PPP1R12A: variants seen among roughly 807,000 people sequenced by gnomAD.
PPP1R12A encodes myosin binding subunit.
In PPP1R12A, 19 loss-of-function variants were observed where a neutral mutation model predicts 139.6. The observed-to-expected ratio is 0.14, with a 90% CI of 0.09 to 0.20. PPP1R12A has a LOEUF of 0.20. Among genes scored for constraint, PPP1R12A ranks in the 10% least tolerant of loss-of-function variants. The pLI is 1.00. For synonymous variants in PPP1R12A, 427 were observed against 420.6 expected (o/e 1.02, Z -0.19); for missense variants, 925 against 1,211.5 (o/e 0.76, Z 3.51).
intron 2 of PPP1R12A, among the ~76,000 whole-genome samples, chr12:79,861,889 T>C (rs1881372308): frequency 6.6e-6 from 1 of 152,054 alleles, no homozygotes. Context: ...GCAGGGCATA[T>C]TGGAACAAAA....
rs1238822825 is a variant in PPP1R12A, at chr12:79,832,509, GTTC to G, written c.488-21_488-19del. On this transcript the variant is annotated intron_variant, in intron 3 of 24. Coordinates refer to ENST00000450142, the MANE Select transcript of PPP1R12A (RefSeq NM_002480.3). ...ATCAACCCCTGATAAAATAAAAATA[GTTC>G]TTTTTATTTTTGCTTAAAAATTGTT... 6 of 1,555,242 alleles carry G rather than the reference GTTC, an allele frequency of 3.9e-6. No homozygotes were observed. The African/African-American group carries it at 5.5e-5, about 14-fold the overall frequency.
chr12:79,811,056 C>A (rs1242282399), intron 9 of PPP1R12A, among the ~76,000 whole-genome samples: 1 of 152,156 alleles, frequency 6.6e-6, no homozygotes, highest in East Asian at 1.9e-4. Context: ...ATCAACTTCA[C>A]TTCTAGAAAT....
At chr12:79,842,575 TTGTGTG>T (rs148792533) in intron 3 of PPP1R12A, among the ~76,000 whole-genome samples, 2,673 of 143,900 alleles carry the variant, frequency 0.019, 47 homozygotes, top group African/African-American at 0.045. Context: ...ATGTGGCACT[TTGTGTG>T]TGTGTGTGTG....
intron 4 of PPP1R12A, among the ~76,000 whole-genome samples, chr12:79,828,701 ACT>A (rs1877075948): frequency 6.6e-6 from 1 of 151,980 alleles, no homozygotes; most frequent in Non-Finnish European, 1.5e-5. Flanking sequence ...ATTCCTAATG[ACT>A]CTAAGTCTTA....
chr12:79,795,424 T>C (rs1872398669), intron 18 of PPP1R12A, among the ~76,000 whole-genome samples: 1 of 152,142 alleles, frequency 6.6e-6, no homozygotes, highest in South Asian at 2.1e-4. Flanking sequence ...ATTCCATAAT[T>C]AGGTCAGAAC....
intron 3 of PPP1R12A, among the ~76,000 whole-genome samples, chr12:79,838,154 G>T (rs1225938264): frequency 6.6e-6 from 1 of 152,238 alleles, no homozygotes; most frequent in Non-Finnish European, 1.5e-5. Context: ...GTTGGTCTCA[G>T]ATGGAGATGA....
chr12:79,934,653 G>C, intron 1 of PPP1R12A, 42 bp downstream of exon 1: 1 of 1,477,728 alleles, frequency 6.8e-7, no homozygotes. Flanking sequence ...AGGCCGACGA[G>C]AACCCTCACG....
chr12:79,910,692 A>G (rs1886498960), intron 1 of PPP1R12A, among the ~76,000 whole-genome samples: 1 of 152,232 alleles, frequency 6.6e-6, no homozygotes, highest in African/African-American at 2.4e-5. Flanking sequence ...ACACATAAAC[A>G]CATCTAATTT....
intron 22 of PPP1R12A, 101 bp from the exon 23 acceptor site, chr12:79,781,963 T>A: frequency 1.7e-6 from 1 of 585,288 alleles, no homozygotes; most frequent in Non-Finnish European, 2.9e-6. Context: ...AATATTCAAG[T>A]GGAGTAAAAC....
chr12:79,928,205 T>C (rs999919860), intron 1 of PPP1R12A, among the ~76,000 whole-genome samples: 2 of 152,184 alleles, frequency 1.3e-5, no homozygotes, highest in East Asian at 3.8e-4. Flanking sequence ...CTATAGAAAA[T>C]GCTCAGTCAC....
intron 1 of PPP1R12A, among the ~76,000 whole-genome samples, chr12:79,910,264 G>A (rs1381873815): frequency 6.6e-6 from 1 of 152,064 alleles, no homozygotes; most frequent in East Asian, 2.0e-4. Flanking sequence ...AGGATCACCT[G>A]AGGTCAGGAC....
intron 24 of PPP1R12A, among the ~76,000 whole-genome samples, chr12:79,776,429 A>G (rs191684575): frequency 1.2e-3 from 178 of 152,238 alleles, no homozygotes; most frequent in Middle Eastern, 3.4e-3. Flanking sequence ...ATATTGTTCC[A>G]CAAGAAAGTC....
At chr12:79,817,290 AT>A in intron 9 of PPP1R12A, 103 bp downstream of exon 9, 1 of 1,020,230 alleles carries the variant, frequency 9.8e-7, no homozygotes, top group Non-Finnish European at 1.4e-6. Flanking sequence ...AATCTTACAT[AT>A]TTTTGGAACA....
intron 17 of PPP1R12A, 90 bp from the exon 18 acceptor site, chr12:79,795,849 AG>A: frequency 7.5e-7 from 1 of 1,338,312 alleles, no homozygotes; most frequent in East Asian, 2.4e-5. Flanking sequence ...AAAATGGGCC[AG>A]GGGACTATCT....
intron 1 of PPP1R12A, among the ~76,000 whole-genome samples, chr12:79,906,619 A>T (rs1886143507): frequency 6.6e-6 from 1 of 151,964 alleles, no homozygotes; most frequent in Non-Finnish European, 1.5e-5. Flanking sequence ...GTATGTATGT[A>T]TGTATTTATT....
intron 2 of PPP1R12A, among the ~76,000 whole-genome samples, chr12:79,857,696 G>A (rs1880841925): frequency 1.3e-5 from 2 of 152,004 alleles, no homozygotes; most frequent in Admixed American, 6.6e-5. Flanking sequence ...CTTATATACT[G>A]GTCCATTTAG....
In PPP1R12A at chr12:79,806,250, G is replaced by A; in HGVS notation, c.1739C>T (p.Ala580Val). The A allele has an allele frequency of 6.2e-7, 1 of 1,613,886 alleles. No homozygotes were observed. ...GGAAAGCAGGCTTTTCTGAAGCCCA[G>A]CTGCAGAGGTAACTGTTGGTGTTGA... ...TTSTPTVTSAAGLQKSLLSST... is the reference protein window; with the variant it reads ...TTSTPTVTSAVGLQKSLLSST... The change falls in exon 13 of 25, where the codon GCT becomes GTT. Residue 580 changes from alanine to valine, a missense_variant. Physicochemically the swap from Ala to Val is moderately conservative, Grantham distance 64. Around this residue, in one of 4 missense-constraint regions of PPP1R12A, gnomAD observed 403 missense variants for 463.7 expected, o/e 0.87. Coordinates refer to ENST00000450142, the MANE Select transcript of PPP1R12A (RefSeq NM_002480.3).
Position 79,775,098 on chromosome 12 carries a change from T to G in PPP1R12A, c.*831A>C, listed in dbSNP as rs976490667. The G allele has an allele frequency of 3.3e-5, 5 of 152,546 alleles. No homozygotes were observed. Among genetic ancestry groups the G allele is most frequent in the Non-Finnish European group, 1.5e-5 (1 of 67,966 alleles). The allele number at this position is 152,546 out of a possible 1,614,324, so 9.4% of individuals were successfully genotyped here. ...TAAAAATCAAAACAATACACTTATTTGTATATACAGCATCACTCAGTACCT... is the reference window on the plus strand; with the variant it reads ...TAAAAATCAAAACAATACACTTATTGGTATATACAGCATCACTCAGTACCT... On this transcript the variant is annotated 3_prime_UTR_variant, in exon 25 of 25. Transcript: ENST00000450142.
At chr12:79,893,069 CT>C (rs1278601701) in intron 1 of PPP1R12A, among the ~76,000 whole-genome samples, 2 of 150,862 alleles carry the variant, frequency 1.3e-5, no homozygotes, top group African/African-American at 4.9e-5. Context: ...CGCCACTGTA[CT>C]CCCAGCCTGG....
Sources: gnomAD v4.1 joint callset for allele counts (sites outside exome capture counted in the v4.1 genomes callset) on GRCh38, gnomAD v4.1.1 for gene constraint, gnomAD v4.1.1 regional missense constraint, MANE v1.5 for transcripts, NCBI Gene and HGNC (gene_info 2026-07-23, HGNC 2026-07-21) for gene names.